ISX: variants seen among roughly 807,000 people sequenced by gnomAD.
ISX encodes intestine-specific homeobox.
Under a neutral mutation model 16.9 loss-of-function variants are expected in ISX, and 15 were observed. The ratio of observed to expected loss-of-function variants is 0.89; its 90% CI spans 0.59 to 1.36. The LOEUF (loss-of-function observed/expected upper bound fraction) is 1.36, where lower values mean the gene tolerates loss of function less well. ISX is among the 40% of genes most tolerant of loss of function. The pLI, the probability that ISX is intolerant of heterozygous loss-of-function variation, is 0.00. For synonymous variants in ISX, 125 were observed against 119.7 expected, an observed-to-expected ratio of 1.04 and a Z score of -0.29; for missense variants, 316 against 306.1, an observed-to-expected ratio of 1.03 and a Z score of -0.24.
intron 3 of ISX, 104 bp downstream of exon 3, chr22:35,082,773 T>A (rs1251932641): frequency 8.2e-7 from 1 of 1,226,920 alleles, no homozygotes; most frequent in African/African-American, 1.5e-5. Flanking sequence ...TAAAAGTTTC[T>A]GTTGGCTTTA....
At chr22:35,076,281 G>A (rs562205346) in intron 2 of ISX, among the ~76,000 whole-genome samples, 5 of 152,276 alleles carry the variant, frequency 3.3e-5, no homozygotes, top group African/African-American at 4.8e-5. Flanking sequence ...GTGCATAGCC[G>A]ATTTGGGGAA....
At chr22:35,079,545 T>C (rs1003356517) in intron 2 of ISX, among the ~76,000 whole-genome samples, 1 of 152,182 alleles carries the variant, frequency 6.6e-6, no homozygotes, top group Non-Finnish European at 1.5e-5. Flanking sequence ...GCTCACAGCC[T>C]AGAGATGGAT....
Position 35,066,796 on chromosome 22 carries a change from G to T in ISX, c.-292G>T. 1 of 370,042 alleles carries T rather than the reference G, an allele frequency of 2.7e-6. No homozygotes were observed. The highest frequency in any genetic ancestry group is 4.9e-6 in the Non-Finnish European group (1 of 204,480). The allele number at this position is 370,042 out of a possible 1,614,324, so 22.9% of individuals were successfully genotyped here. On this transcript the variant is annotated 5_prime_UTR_variant, in exon 2 of 5. Transcript: ENST00000404699. ...TGATTGTGCAGGCAACTGTGTCCGA[G>T]AAGACCCTTCTCTGGAAGATTGAAC...
chr22:35,067,035 A>G lies in ISX; in HGVS notation c.-53A>G. On this transcript the variant is annotated 5_prime_UTR_variant, in exon 2 of 5. Coordinates refer to ENST00000404699, the MANE Select transcript of ISX (RefSeq NM_001303508.2). ...GGAGGTTCAGGGGAGGAAGTACGCCACTCTCCACTGGCACCCTCCTTGGCC... is the reference window on the plus strand; with the variant it reads ...GGAGGTTCAGGGGAGGAAGTACGCCGCTCTCCACTGGCACCCTCCTTGGCC... 1 of 1,428,102 alleles carries G rather than the reference A, an allele frequency of 7.0e-7. No individual in the cohort carries two copies. Among genetic ancestry groups the G allele is most frequent in the Non-Finnish European group, 9.8e-7 (1 of 1,024,972 alleles). The allele number at this position is 1,428,102 out of a possible 1,614,324, so 88.5% of individuals were successfully genotyped here. A position where few individuals can be genotyped will look rare whatever the true frequency, so the allele number is the denominator to read the frequency against.
Position 35,084,334 on chromosome 22 carries a change from A to C in ISX, c.382-49A>C, listed in dbSNP as rs746174635. On this transcript the variant is annotated intron_variant, in intron 3 of 4. Transcript: ENST00000404699. ...TTATGAATTTGGGGGAAGTGGTATT[A>C]GATGGAGGAAAACTCTTGCTTATCC... 6 of 1,224,900 alleles carry C rather than the reference A, an allele frequency of 4.9e-6. No individual in the cohort carries two copies. The Admixed American group carries it at 5.1e-5, about 10-fold the overall frequency. The allele number at this position is 1,224,900 out of a possible 1,614,324, so 75.9% of individuals were successfully genotyped here.
intron 2 of ISX, among the ~76,000 whole-genome samples, chr22:35,074,889 C>T (rs575177790): frequency 1.3e-4 from 19 of 150,596 alleles, no homozygotes; most frequent in Non-Finnish European, 2.2e-4. Context: ...CATGCATGCA[C>T]GCAACACACG....
Position 35,067,107 on chromosome 22 carries a change from C to G in ISX, c.20C>G (p.Pro7Arg). The G allele has an allele frequency of 6.2e-7, 1 of 1,613,858 alleles. No individual in the cohort carries two copies. Among genetic ancestry groups the G allele is most frequent in the Non-Finnish European group, 8.5e-7 (1 of 1,179,922 alleles). The change falls in exon 2 of 5, where the codon CCT becomes CGT. Residue 7 changes from proline to arginine, a missense_variant. Coordinates refer to ENST00000404699, the MANE Select transcript of ISX (RefSeq NM_001303508.2). Reference sequence around the variant, plus strand: ...CCCTCAATGTGTGCTGAGGTGGGCCCTGCTCTCTGCAGGGGTATGGAGAGA... The same window carrying G: ...CCCTCAATGTGTGCTGAGGTGGGCCGTGCTCTCTGCAGGGGTATGGAGAGA... MCAEVG[P>R]ALCRGMERNS...
chr22:35,074,790 G>A (rs1251277660), intron 2 of ISX, among the ~76,000 whole-genome samples: 2 of 152,196 alleles, frequency 1.3e-5, no homozygotes, highest in Admixed American at 1.3e-4. Flanking sequence ...CACAGCTTGT[G>A]TTGTCTGATT....
intron 2 of ISX, among the ~76,000 whole-genome samples, chr22:35,077,188 A>G (rs538319573): frequency 7.2e-5 from 11 of 152,338 alleles, no homozygotes; most frequent in African/African-American, 2.4e-4. Context: ...CAGGGCCATC[A>G]ATGAGCTTGT....
intron 3 of ISX, among the ~76,000 whole-genome samples, chr22:35,083,048 C>T (rs955223539): frequency 2.0e-5 from 3 of 152,196 alleles, no homozygotes; most frequent in African/African-American, 7.2e-5. Context: ...TGATATTAGG[C>T]TTTGCAGGGT....
rs1055691617 is a variant in ISX at position 35,066,280 on chromosome 22, A to G, written c.-519A>G. 3.9e-5 allele frequency: 6 copies of G among 152,506 alleles called. No individual in the cohort carries two copies. The highest frequency in any genetic ancestry group is 1.4e-4 in the African/African-American group (6 of 41,448). The allele number at this position is 152,506 out of a possible 1,614,324, so 9.4% of individuals were successfully genotyped here. ...CTTGTGGAGAGAGGGCTTCGCATGT[A>G]AAGTGACGTCAGGGAAAATAGAACA... On this transcript the variant is annotated 5_prime_UTR_variant, in exon 1 of 5. It removes the in-frame stop codon of an upstream open reading frame in the 5' UTR. Coordinates refer to ENST00000404699, the MANE Select transcript of ISX (RefSeq NM_001303508.2).
At chr22:35,070,370 G>A (rs1172141192) in intron 2 of ISX, among the ~76,000 whole-genome samples, 2 of 152,220 alleles carry the variant, frequency 1.3e-5, no homozygotes, top group East Asian at 3.8e-4. Flanking sequence ...AAAGTTAAGG[G>A]AGACCCAGTC....
Position 35,066,999 on chromosome 22 carries a change from T to C in ISX, c.-89T>C, listed in dbSNP as rs2146285546. 2.1e-6 allele frequency: 2 copies of C among 954,716 alleles called. No homozygotes were observed. Among genetic ancestry groups the C allele is most frequent in the Admixed American group, 2.2e-5 (1 of 46,282 alleles). The allele number at this position is 954,716 out of a possible 1,614,324, so 59.1% of individuals were successfully genotyped here. On this transcript the variant is annotated 5_prime_UTR_variant, in exon 2 of 5. Coordinates refer to ENST00000404699, the MANE Select transcript of ISX (RefSeq NM_001303508.2). Reference sequence around the variant, plus strand: ...CTCTGTTCTTCACCTCCACGCGCCCTCTTGACCCCAGGAGGTTCAGGGGAG... The same window carrying C: ...CTCTGTTCTTCACCTCCACGCGCCCCCTTGACCCCAGGAGGTTCAGGGGAG...
At chr22:35,074,186 G>C (rs1458911876) in intron 2 of ISX, among the ~76,000 whole-genome samples, 1 of 152,152 alleles carries the variant, frequency 6.6e-6, no homozygotes, top group Non-Finnish European at 1.5e-5. Flanking sequence ...AGTTACATCA[G>C]CCTCCAGTGA....
chr22:35,067,117 C>A lies in ISX; in HGVS notation c.30C>A (p.Cys10Ter). The stretch of plus-strand genomic sequence containing the variant: ...GTGCTGAGGTGGGCCCTGCTCTCTG[C>A]AGGGGTATGGAGAGAAATAGCTTGG... MCAEVGPAL[C>*]RGMERNSLGC... is the part of the protein sequence containing the mutation. The change falls in exon 2 of 5, where the codon TGC (cysteine) becomes TGA (stop). Residue 10 changes from cysteine to a stop codon, truncating the protein, a stop_gained. Coordinates refer to ENST00000404699, the MANE Select transcript of ISX (RefSeq NM_001303508.2). LOFTEE classifies it high-confidence loss of function. The A allele has an allele frequency of 6.2e-7, 1 of 1,613,964 alleles. No individual in the cohort carries two copies. The highest frequency in any genetic ancestry group is 8.5e-7 in the Non-Finnish European group (1 of 1,179,942).
At chr22:35,067,846 G>A (rs2146286197) in intron 2 of ISX, among the ~76,000 whole-genome samples, 1 of 152,260 alleles carries the variant, frequency 6.6e-6, no homozygotes, top group South Asian at 2.1e-4. Context: ...CTGAAGCTTT[G>A]CCCAGGGGCC....
At chr22:35,085,179 G>C (rs1429614860) in intron 4 of ISX, among the ~76,000 whole-genome samples, 1 of 152,142 alleles carries the variant, frequency 6.6e-6, no homozygotes, top group African/African-American at 2.4e-5. Context: ...GAGGCAAAGT[G>C]ACTTTTCCAT....
intron 2 of ISX, among the ~76,000 whole-genome samples, chr22:35,077,407 A>G (rs1029470875): frequency 6.6e-6 from 1 of 151,986 alleles, no homozygotes; most frequent in South Asian, 2.1e-4. Context: ...TGAAGTGCTG[A>G]CCTTCATCAT....
At chr22:35,075,945 G>T (rs1237434281) in intron 2 of ISX, among the ~76,000 whole-genome samples, 1 of 152,088 alleles carries the variant, frequency 6.6e-6, no homozygotes, top group Non-Finnish European at 1.5e-5. Flanking sequence ...AGATAAAAAG[G>T]TAAAAGAAAT....
Sources: gnomAD v4.1 joint callset for allele counts (sites outside exome capture counted in the v4.1 genomes callset) on GRCh38, gnomAD v4.1.1 for gene constraint, MANE v1.5 for transcripts, NCBI Gene and HGNC (gene_info 2026-07-23, HGNC 2026-07-21) for gene names.